Variants in ESRRG observed in about 807,000 individuals in gnomAD.
ESRRG encodes the protein estrogen-related receptor gamma.
ESRRG carries 13 observed loss-of-function variants against 44.0 expected under a neutral mutation model. The observed-to-expected ratio is 0.30, with a 90% CI of 0.19 to 0.47. ESRRG has a LOEUF of 0.47. ESRRG is among the 20% of genes least tolerant of loss of function. The probability of loss-of-function intolerance (pLI) is 1.00; values close to 1 mark genes in which losing one functional copy is unlikely to be tolerated. For missense variants in ESRRG, 395 were observed against 580.6 expected (o/e 0.68, Z 3.29); for synonymous variants, 215 against 214.6 (o/e 1.00, Z -0.02).
intron 1 of ESRRG, among the ~76,000 whole-genome samples, chr1:217,006,106 G>A (rs906400505): frequency 6.6e-6 from 1 of 152,076 alleles, no homozygotes; most frequent in Non-Finnish European, 1.5e-5. Flanking sequence ...CTTATAGAAT[G>A]AGTCCTTTTG....
chr1:216,792,082 T>A (rs909183214), intron 2 of ESRRG, among the ~76,000 whole-genome samples: 48 of 152,202 alleles, frequency 3.2e-4, no homozygotes, highest in African/African-American at 1.1e-3. Context: ...ATCTTATAAA[T>A]AACATATGCA....
At chr1:216,938,400 A>G (rs1235464982) in intron 2 of ESRRG, among the ~76,000 whole-genome samples, 1 of 152,192 alleles carries the variant, frequency 6.6e-6, no homozygotes, top group East Asian at 1.9e-4. Flanking sequence ...AGAATCATGT[A>G]ACTGAATGAT....
At chr1:216,581,731 C>T (rs2149817743) in intron 3 of ESRRG, among the ~76,000 whole-genome samples, 1 of 152,264 alleles carries the variant, frequency 6.6e-6, no homozygotes, top group East Asian at 1.9e-4. Flanking sequence ...TGCTCAGTGC[C>T]AGTTAGATAT....
chr1:216,982,638 G>A (rs1037068014), intron 1 of ESRRG, among the ~76,000 whole-genome samples: 1 of 152,196 alleles, frequency 6.6e-6, no homozygotes, highest in Non-Finnish European at 1.5e-5. Flanking sequence ...GAGTAGAAGA[G>A]CACCTTACTT....
intron 3 of ESRRG, among the ~76,000 whole-genome samples, chr1:216,597,674 C>A (rs1002551794): frequency 9.2e-5 from 14 of 152,142 alleles, no homozygotes; most frequent in Admixed American, 5.2e-4. Flanking sequence ...TTCTATTTGA[C>A]AGTGCTGATT....
At chr1:216,933,651 G>T (rs1292995709) in intron 2 of ESRRG, among the ~76,000 whole-genome samples, 2 of 152,092 alleles carry the variant, frequency 1.3e-5, no homozygotes, top group Non-Finnish European at 2.9e-5. Flanking sequence ...TGATTAATTT[G>T]CAGTATTTAT....
intron 3 of ESRRG, among the ~76,000 whole-genome samples, chr1:216,604,700 T>A (rs2150203429): frequency 6.6e-6 from 1 of 152,328 alleles, no homozygotes. Flanking sequence ...ATTGGGTCAC[T>A]TTCTTGATCC....
At chr1:216,888,821 T>C (rs1461845486) in intron 2 of ESRRG, among the ~76,000 whole-genome samples, 2 of 152,146 alleles carry the variant, frequency 1.3e-5, no homozygotes, top group African/African-American at 4.8e-5. Context: ...GAGTTCACTG[T>C]GTTTCTAAGT....
At chr1:216,939,284 A>G (rs893486126) in intron 2 of ESRRG, among the ~76,000 whole-genome samples, 5 of 146,426 alleles carry the variant, frequency 3.4e-5, no homozygotes, top group Non-Finnish European at 7.5e-5. Flanking sequence ...AAGCACCTAC[A>G]TGATCACTAC....
intron 2 of ESRRG, among the ~76,000 whole-genome samples, chr1:216,829,103 T>C (rs2095443931): frequency 6.6e-6 from 1 of 152,204 alleles, no homozygotes; most frequent in Non-Finnish European, 1.5e-5. Flanking sequence ...TAAATATGAA[T>C]CGTATTGATA....
chr1:216,533,548 G>T (rs746457198), intron 5 of ESRRG, among the ~76,000 whole-genome samples: 30 of 152,072 alleles, frequency 2.0e-4, no homozygotes, highest in Admixed American at 3.3e-4. Context: ...AGGCAGAATA[G>T]AATTTTTCAA....
At chr1:216,585,086 A>G (rs537382420) in intron 3 of ESRRG, among the ~76,000 whole-genome samples, 1 of 152,346 alleles carries the variant, frequency 6.6e-6, no homozygotes, top group East Asian at 1.9e-4. Context: ...AATTGATAAA[A>G]GTTTAAAAAG....
chr1:216,850,191 T>A (rs1412168183), intron 2 of ESRRG, among the ~76,000 whole-genome samples: 1 of 152,096 alleles, frequency 6.6e-6, no homozygotes, highest in East Asian at 1.9e-4. Context: ...AAATAAATAT[T>A]TTCTTTAAAA....
intron 5 of ESRRG, among the ~76,000 whole-genome samples, chr1:216,536,223 C>T (rs983479166): frequency 6.6e-6 from 1 of 152,080 alleles, no homozygotes; most frequent in African/African-American, 2.4e-5. Flanking sequence ...ACTATATCAC[C>T]AGTACCCCCT....
intron 1 of ESRRG, among the ~76,000 whole-genome samples, chr1:216,971,290 C>A (rs1033165179): frequency 6.6e-6 from 1 of 152,144 alleles, no homozygotes; most frequent in African/African-American, 2.4e-5. Context: ...ATTGGAATGT[C>A]CACATTGCAT....
chr1:216,761,021 C>A (rs2092739981), intron 2 of ESRRG, among the ~76,000 whole-genome samples: 1 of 151,964 alleles, frequency 6.6e-6, no homozygotes, highest in Non-Finnish European at 1.5e-5. Context: ...ATCTAGCAGC[C>A]CCAACCCACT....
At chr1:217,028,295 G>A (rs2081522660) in intron 1 of ESRRG, among the ~76,000 whole-genome samples, 2 of 152,200 alleles carry the variant, frequency 1.3e-5, no homozygotes, top group Admixed American at 1.3e-4. Flanking sequence ...TAGAGTAGGT[G>A]TTGCCAGAAG....
upstream of ESRRG, chr1:216,723,536 G>A: frequency 3.9e-6 from 2 of 518,872 alleles, no homozygotes; most frequent in Non-Finnish European, 6.8e-6. Context: ...CCGATTGGGG[G>A]GCCTCTGCCC....
chr1:216,548,008 C>G (rs1345991235), intron 5 of ESRRG, among the ~76,000 whole-genome samples: 1 of 152,002 alleles, frequency 6.6e-6, no homozygotes, highest in Non-Finnish European at 1.5e-5. Flanking sequence ...ATATGGGGTT[C>G]CTTGAGCTAC....
Sources: gnomAD v4.1 joint callset for allele counts (sites outside exome capture counted in the v4.1 genomes callset) on GRCh38, gnomAD v4.1.1 for gene constraint, MANE v1.5 for transcripts, NCBI Gene and HGNC (gene_info 2026-07-23, HGNC 2026-07-21) for gene names.